ZNF704: variants seen among roughly 807,000 people sequenced by gnomAD.
ZNF704 encodes zinc finger protein 704.
In ZNF704, 10 loss-of-function variants were observed where a neutral mutation model predicts 44.7. That is an observed-to-expected ratio of 0.22 (90% CI 0.14 to 0.38). ZNF704 has a LOEUF of 0.38. Among genes scored for constraint, ZNF704 ranks in the 10% least tolerant of loss-of-function variants. ZNF704 has a pLI of 1.00. For missense variants in ZNF704, 390 were observed against 545.5 expected (o/e 0.71, Z 2.84); for synonymous variants, 211 against 207.6 (o/e 1.02, Z -0.14).
In ZNF704 at chr8:80,650,059, G is replaced by A. The variant is rs192992129; in HGVS notation, c.1033-6930C>T. Among the ~76,000 whole-genome samples, 351 of 152,324 alleles carry A rather than the reference G, an allele frequency of 2.3e-3. 1 individual carries two copies. Among genetic ancestry groups the A allele is most frequent in the Non-Finnish European group, 4.3e-3 (295 of 68,032 alleles). On this transcript the variant is annotated intron_variant, in intron 7 of 8. Coordinates refer to ENST00000327835, the MANE Select transcript of ZNF704 (RefSeq NM_001033723.3). ...CTGATACCCAGGCAAACAGGGTCTG[G>A]AGTGGACCGCCAGCAAACTCCAACA...
intron 2 of ZNF704, among the ~76,000 whole-genome samples, chr8:80,713,242 C>A (rs1273638384): frequency 6.6e-6 from 1 of 152,172 alleles, no homozygotes; most frequent in Non-Finnish European, 1.5e-5. Flanking sequence ...ATGGGAAACT[C>A]ACTTCTAGTA....
chr8:80,659,755 A>G, intron 6 of ZNF704, 66 bp from the exon 7 acceptor site: 1 of 1,447,754 alleles, frequency 6.9e-7, no homozygotes, highest in South Asian at 1.2e-5. Flanking sequence ...TTAAGCTCTT[A>G]TTACCAAAGG....
At position 80,630,301 on chromosome 8, in the gene ZNF704, C is replaced by A. The variant is rs1817562631; in HGVS notation, c.*11065G>T. The A allele has an allele frequency of 6.6e-6, 1 of 152,168 alleles. No individual in the cohort carries two copies. Among genetic ancestry groups the A allele is most frequent in the Non-Finnish European group, 1.5e-5 (1 of 68,032 alleles). 9.4% of individuals were successfully genotyped at this position (152,168 alleles called of 1,614,324 possible). On this transcript the variant is annotated 3_prime_UTR_variant, in exon 9 of 9. Transcript: ENST00000327835. ...ATCTCTAAACATTGGACAGCATTGC[C>A]ACCTAGCTTTTGAGTTAGCACTCAA...
At chr8:80,651,108 G>A (rs906079000) in intron 7 of ZNF704, among the ~76,000 whole-genome samples, 37 of 152,284 alleles carry the variant, frequency 2.4e-4, no homozygotes, top group Admixed American at 7.2e-4. Context: ...TTACAGACAA[G>A]CAAATGCTGA....
chr8:80,881,798 G>A, the ZNF704 span, among the ~76,000 whole-genome samples: 12 of 151,998 alleles, frequency 7.9e-5, no homozygotes, highest in Non-Finnish European at 1.6e-4. Context: ...CATGGTGGTG[G>A]GCACCTGTAA....
chr8:80,717,827 A>AT, intron 2 of ZNF704, among the ~76,000 whole-genome samples: 1 of 152,294 alleles, frequency 6.6e-6, no homozygotes, highest in Middle Eastern at 3.4e-3. Flanking sequence ...ATGACTCTAT[A>AT]TTACTTACTG....
intron 2 of ZNF704, among the ~76,000 whole-genome samples, chr8:80,694,778 T>C (rs1818699124): frequency 6.6e-6 from 1 of 152,228 alleles, no homozygotes; most frequent in African/African-American, 2.4e-5. Flanking sequence ...ACAAAGCCTA[T>C]TCTTTCAATC....
At position 80,636,293 on chromosome 8, in the gene ZNF704, GAACT is replaced by G. The variant is rs1192211452; in HGVS notation, c.*5069_*5072del. ...AACATGAGATTGTCTTCAAAAAAAG[GAACT>G]ATTTACAAAACAGGACCAGAAGTAA... On this transcript the variant is annotated 3_prime_UTR_variant, in exon 9 of 9. Coordinates refer to ENST00000327835, the MANE Select transcript of ZNF704 (RefSeq NM_001033723.3). 1 of 152,122 alleles carries G rather than the reference GAACT, an allele frequency of 6.6e-6. No individual in the cohort carries two copies. The highest frequency in any genetic ancestry group is 1.5e-5 in the Non-Finnish European group (1 of 68,010). 9.4% of individuals were successfully genotyped at this position (152,122 alleles called of 1,614,324 possible). A position where few individuals can be genotyped will look rare whatever the true frequency, so the allele number is the denominator to read the frequency against.
At chr8:80,800,965 A>G (rs1003180996) in intron 2 of ZNF704, among the ~76,000 whole-genome samples, 5 of 152,190 alleles carry the variant, frequency 3.3e-5, no homozygotes, top group Non-Finnish European at 5.9e-5. Context: ...GGATGGAGGA[A>G]AATGTACCAA....
intron 2 of ZNF704, among the ~76,000 whole-genome samples, chr8:80,786,106 C>T (rs971516957): frequency 2.0e-5 from 3 of 152,006 alleles, no homozygotes; most frequent in Non-Finnish European, 2.9e-5. Context: ...TAAAAAAACC[C>T]ACAAACATTA....
At chr8:80,772,752 CA>C (rs1455275749) in intron 2 of ZNF704, among the ~76,000 whole-genome samples, 1 of 152,092 alleles carries the variant, frequency 6.6e-6, no homozygotes, top group East Asian at 1.9e-4. Context: ...TTTCTGTTTT[CA>C]ATTTCATTTA....
At chr8:80,876,814 C>T (rs1045589745), upstream of ZNF704, among the ~76,000 whole-genome samples, 1 of 152,166 alleles carries the variant, frequency 6.6e-6, no homozygotes, top group Non-Finnish European at 1.5e-5. Flanking sequence ...GGGATACTCT[C>T]AGAGAATAAC....
At chr8:80,727,446 G>A (rs548619403) in intron 2 of ZNF704, among the ~76,000 whole-genome samples, 18 of 149,656 alleles carry the variant, frequency 1.2e-4, no homozygotes, top group African/African-American at 4.4e-4. Context: ...TTTTTTTTTC[G>A]TTTTTAAAAA....
At chr8:80,712,874 T>TTTTG (rs972175939) in intron 2 of ZNF704, among the ~76,000 whole-genome samples, 3 of 151,698 alleles carry the variant, frequency 2.0e-5, no homozygotes, top group South Asian at 2.1e-4. Flanking sequence ...GTAGGGGTTT[T>TTTTG]TTTGTTTGTT....
At chr8:80,733,817 G>A (rs1017468284) in intron 2 of ZNF704, among the ~76,000 whole-genome samples, 7 of 152,186 alleles carry the variant, frequency 4.6e-5, no homozygotes, top group South Asian at 2.1e-4. Context: ...CCATGTCTCT[G>A]AGCAATTCCT....
At chr8:80,754,617 T>A (rs1807004040) in intron 2 of ZNF704, among the ~76,000 whole-genome samples, 1 of 152,220 alleles carries the variant, frequency 6.6e-6, no homozygotes, top group South Asian at 2.1e-4. Flanking sequence ...ACTGACTTGC[T>A]GCCAAACAAA....
At chr8:80,665,471 A>C (rs1478228528) in intron 5 of ZNF704, among the ~76,000 whole-genome samples, 1 of 144,794 alleles carries the variant, frequency 6.9e-6, no homozygotes, top group Admixed American at 6.8e-5. Context: ...GAAGCTAAAT[A>C]ATGTGTATAC....
chr8:80,718,020 C>A (rs1353132343), intron 2 of ZNF704, among the ~76,000 whole-genome samples: 40 of 152,164 alleles, frequency 2.6e-4, no homozygotes, highest in Non-Finnish European at 4.4e-5. Flanking sequence ...CAAATGAACC[C>A]AAAATGCTTA....
At chr8:80,687,757 A>G (rs1258286274) in intron 3 of ZNF704, among the ~76,000 whole-genome samples, 1 of 152,224 alleles carries the variant, frequency 6.6e-6, no homozygotes, top group Non-Finnish European at 1.5e-5. Flanking sequence ...ATTATATGAA[A>G]AAAAAGATTT....
Sources: allele counts gnomAD v4.1 joint callset (sites outside exome capture counted in the v4.1 genomes callset), GRCh38; gene constraint gnomAD v4.1.1; transcripts MANE v1.5; gene names NCBI Gene and HGNC (gene_info 2026-07-23, HGNC 2026-07-21).